GNA13: variants seen among roughly 807,000 people sequenced by gnomAD.
GNA13 encodes the protein G protein subunit alpha 13, also known as guanine nucleotide-binding protein subunit alpha-13.
A neutral mutation model predicts 33.5 loss-of-function variants in GNA13; 4 were observed. That is an observed-to-expected ratio of 0.12 (90% CI 0.06 to 0.27). GNA13 has a LOEUF of 0.27. GNA13 is among the 10% of genes least tolerant of loss of function. The pLI is 1.00. For missense variants in GNA13, 319 were observed against 487.2 expected (o/e 0.65, Z 3.25); for synonymous variants, 176 against 183.8 (o/e 0.96, Z 0.34).
At chr17:65,018,950 G>A (rs757104410) in intron 2 of GNA13, among the ~76,000 whole-genome samples, 8 of 152,142 alleles carry the variant, frequency 5.3e-5, no homozygotes, top group Non-Finnish European at 8.8e-5. Flanking sequence ...ACATGAAAAC[G>A]CTTGACCAGA....
intron 2 of GNA13, among the ~76,000 whole-genome samples, chr17:65,033,905 CGA>C (rs1907145992): frequency 1.4e-5 from 2 of 146,418 alleles, no homozygotes; most frequent in Admixed American, 1.4e-4. Flanking sequence ...CCCAGCTACT[CGA>C]GAGGCTGAGG....
intron 2 of GNA13, among the ~76,000 whole-genome samples, chr17:65,043,873 G>C (rs1467392052): frequency 6.6e-6 from 1 of 152,180 alleles, no homozygotes; most frequent in African/African-American, 2.4e-5. Flanking sequence ...TGAAATCCCA[G>C]CACTGCAGGA....
chr17:65,020,324 C>A (rs1906537171), intron 2 of GNA13, among the ~76,000 whole-genome samples: 2 of 152,158 alleles, frequency 1.3e-5, no homozygotes, highest in Non-Finnish European at 2.9e-5. Flanking sequence ...TCTCTAAACT[C>A]CTCCAGGTCT....
chr17:65,033,013 A>G (rs1907104338), intron 2 of GNA13, among the ~76,000 whole-genome samples: 2 of 151,988 alleles, frequency 1.3e-5, no homozygotes, highest in South Asian at 4.2e-4. Flanking sequence ...CAGGAGGCTG[A>G]GGCAGGAGAA....
intron 2 of GNA13, among the ~76,000 whole-genome samples, chr17:65,021,547 T>C (rs1906583519): frequency 6.6e-6 from 1 of 152,212 alleles, no homozygotes; most frequent in South Asian, 2.1e-4. Context: ...CAAGTGACAT[T>C]TGTATTCAAT....
chr17:65,023,564 A>G (rs915987058), intron 2 of GNA13, among the ~76,000 whole-genome samples: 2 of 152,234 alleles, frequency 1.3e-5, no homozygotes, highest in African/African-American at 4.8e-5. Flanking sequence ...CTAAAATTAC[A>G]AGGCAAAACG....
Position 65,013,760 on chromosome 17 carries a change from A to G in GNA13, c.*497T>C. On this transcript the variant is annotated 3_prime_UTR_variant, in exon 4 of 4. Transcript: ENST00000439174. ...ACCTTCTATAAACCTACAGAATGCC[A>G]TTTCTTAGATAGAACTTCTAACAGC... 1 of 211,436 alleles carries G rather than the reference A, an allele frequency of 4.7e-6. No individual in the cohort carries two copies. Among genetic ancestry groups the G allele is most frequent in the Non-Finnish European group, 9.6e-6 (1 of 104,200 alleles). The allele number at this position is 211,436 out of a possible 1,614,324, so 13.1% of individuals were successfully genotyped here. A position where few individuals can be genotyped will look rare whatever the true frequency, so the allele number is the denominator to read the frequency against.
In GNA13 at chr17:65,014,735, T is replaced by G. The variant is rs1906303105; in HGVS notation, c.656A>C (p.Lys219Thr). The G allele has an allele frequency of 1.9e-6, 3 of 1,613,816 alleles. No individual in the cohort carries two copies. Among genetic ancestry groups the G allele is most frequent in the Non-Finnish European group, 2.5e-6 (3 of 1,179,814 alleles). Residue 219 changes from lysine (K) to threonine (T), a missense_variant, in exon 4 of 4, where the codon AAA becomes ACA. This residue lies in a region of GNA13 where 134 missense variants were observed against 241.3 expected (regional missense o/e 0.56). Transcript: ENST00000439174. The surrounding 1 kb of genome is among the most constrained non-coding windows in gnomAD (Gnocchi z 5.3). ...TCTCTGACCACCTACATCAACCATT[T>G]TGAAAGGAACATTTTTTATTTCAAA... The part of the protein sequence containing the change: ...YDFEIKNVPF[K>T]MVDVGGQRSE...
At position 65,056,299 on chromosome 17, in the gene GNA13, C is replaced by T. The variant is rs777419290; in HGVS notation, c.283+12G>A. 1.9e-6 allele frequency: 3 copies of T among 1,599,216 alleles called. No individual in the cohort carries two copies. In the South Asian group the frequency reaches 3.3e-5, roughly 18 times the overall value. On this transcript the variant is annotated intron_variant, in intron 1 of 3. Transcript: ENST00000439174. ...TGCCCTTAACCCCCGGCCCCCATTC[C>T]CGGCCCGGCACCTTTGATCACGTTG... is the stretch of plus-strand genomic sequence containing the variant.
At position 65,053,745 on chromosome 17, in the gene GNA13, G is replaced by GA. The variant is rs770157906; in HGVS notation, c.284-18dup. ...CCCTCATACCTTTGTTTAAAAAGAA[G>GA]AAAAAAAATGTATGGAGAGGAGTCA... On this transcript the variant is annotated splice_polypyrimidine_tract_variant and intron_variant, in intron 1 of 3. Transcript: ENST00000439174. 1.2e-5 allele frequency: 18 copies of GA among 1,469,132 alleles called. No homozygotes were observed. Among genetic ancestry groups the GA allele is most frequent in the Non-Finnish European group, 1.2e-5 (13 of 1,058,866 alleles). 91.0% of individuals were successfully genotyped at this position (1,469,132 alleles called of 1,614,324 possible). A position where few individuals can be genotyped will look rare whatever the true frequency, so the allele number is the denominator to read the frequency against.
At chr17:65,024,449 A>G (rs911911157) in intron 2 of GNA13, among the ~76,000 whole-genome samples, 3 of 152,272 alleles carry the variant, frequency 2.0e-5, no homozygotes, top group Admixed American at 6.5e-5. Context: ...ATTCGTAGCC[A>G]CAAAAACTTG....
chr17:65,015,383 C>T (rs1260703906), intron 3 of GNA13, among the ~76,000 whole-genome samples: 1 of 151,926 alleles, frequency 6.6e-6, no homozygotes, highest in Non-Finnish European at 1.5e-5. Flanking sequence ...GCAATGGGGG[C>T]TGGGCGCGAT....
At chr17:65,018,161 T>C in intron 3 of GNA13, 92 bp downstream of exon 3, 1 of 344,124 alleles carries the variant, frequency 2.9e-6, no homozygotes. Context: ...GCAAATAGCT[T>C]AATACATAAT....
chr17:65,015,090 A>G (rs1173691286), intron 3 of GNA13, among the ~76,000 whole-genome samples: 2 of 151,948 alleles, frequency 1.3e-5, no homozygotes, highest in East Asian at 3.9e-4. Context: ...GCAATATAGC[A>G]AGACCCACTT....
intron 2 of GNA13, among the ~76,000 whole-genome samples, chr17:65,029,849 A>AT (rs1167808957): frequency 1.3e-5 from 2 of 152,054 alleles, no homozygotes; most frequent in East Asian, 3.8e-4. Context: ...TGTCACAAGC[A>AT]TAATACATTG....
intron 1 of GNA13, 60 bp downstream of exon 1, chr17:65,056,251 A>ACCCCC: frequency 1.9e-5 from 14 of 740,722 alleles, no homozygotes; most frequent in East Asian, 4.4e-5. Flanking sequence ...CCCGCCCCGC[A>ACCCCC]CCCGCCGCCG....
intron 2 of GNA13, among the ~76,000 whole-genome samples, chr17:65,037,787 A>AAAAAAAAAAAAAAAAAAAAC (rs1397963374): frequency 1.3e-5 from 2 of 149,148 alleles, no homozygotes; most frequent in Admixed American, 6.7e-5. Flanking sequence ...GGAAAAAAAA[A>AAAAAAAAAAAAAAAAAAAAC]AAAAAAAAAA....
At chr17:65,029,254 T>C (rs1223656464) in intron 2 of GNA13, among the ~76,000 whole-genome samples, 1 of 152,232 alleles carries the variant, frequency 6.6e-6, no homozygotes, top group African/African-American at 2.4e-5. Flanking sequence ...CTTTTCCCTA[T>C]GAAACAAGCT....
rs147045797 is a variant in GNA13, at chr17:65,017,604, G to A, written c.561+649C>T. Among the ~76,000 whole-genome samples, 330 of 152,300 alleles carry A rather than the reference G, an allele frequency of 2.2e-3. 2 individuals carry two copies. The highest frequency in any genetic ancestry group is 7.2e-3 in the African/African-American group (300 of 41,562). ...TGCAGTGGGCCCCGCTGGCCACAGC[G>A]CCAGCTTAGAGCTGCTGGCTCCGAG... On this transcript the variant is annotated intron_variant, in intron 3 of 3. Coordinates refer to ENST00000439174, the MANE Select transcript of GNA13 (RefSeq NM_006572.6).
Sources: allele counts gnomAD v4.1 joint callset (sites outside exome capture counted in the v4.1 genomes callset), GRCh38; gene constraint gnomAD v4.1.1; regional missense constraint gnomAD v4.1.1; non-coding constraint Gnocchi (gnomAD v3.1); transcripts MANE v1.5; gene names NCBI Gene and HGNC (gene_info 2026-07-23, HGNC 2026-07-21).